Variants in MAMLD1 observed in about 807,000 individuals in gnomAD.
The protein encoded by MAMLD1 is mastermind-like domain-containing protein 1.
Under a neutral mutation model 45.0 loss-of-function variants are expected in MAMLD1, and 14 were observed. That is an observed-to-expected ratio of 0.31 (90% CI 0.21 to 0.49). MAMLD1 has a LOEUF of 0.49. Among genes scored for constraint, MAMLD1 ranks in the 20% least tolerant of loss-of-function variants. The pLI is 0.99. For synonymous variants in MAMLD1, 254 were observed against 247.8 expected, an observed-to-expected ratio of 1.02 and a Z score of -0.24; for missense variants, 543 against 603.6, an observed-to-expected ratio of 0.90 and a Z score of 1.05.
chrX:150,429,680 C>T (rs1233303235), intron 1 of MAMLD1, among the ~76,000 whole-genome samples: 2 of 111,239 alleles, frequency 1.8e-5, no homozygotes, highest in Non-Finnish European at 3.8e-5. Flanking sequence ...ACTTTCATGT[C>T]TCTGGGATAA....
intron 1 of MAMLD1, among the ~76,000 whole-genome samples, chrX:150,373,018 C>T (rs1263281031): frequency 9.0e-6 from 1 of 111,681 alleles, no homozygotes; most frequent in Non-Finnish European, 1.9e-5. Flanking sequence ...TGTCCCACAG[C>T]ACGAGGTGAG....
intron 7 of MAMLD1, among the ~76,000 whole-genome samples, chrX:150,511,149 T>C (rs2037885524): frequency 8.9e-6 from 1 of 112,025 alleles, no homozygotes. Flanking sequence ...CTCCCCTACC[T>C]GACCTTGGGT....
At chrX:150,365,076 C>T (rs1220337359) in intron 1 of MAMLD1, among the ~76,000 whole-genome samples, 1 of 111,544 alleles carries the variant, frequency 9.0e-6, no homozygotes, top group African/African-American at 3.3e-5. Flanking sequence ...CTCCCTCCCA[C>T]CTCTTCTTGT....
At chrX:150,448,872 A>C (rs1375593644) in intron 2 of MAMLD1, among the ~76,000 whole-genome samples, 1 of 111,899 alleles carries the variant, frequency 8.9e-6, no homozygotes, top group Non-Finnish European at 1.9e-5. Context: ...TCTCTGTCTC[A>C]GTCCATACCC....
intron 5 of MAMLD1, among the ~76,000 whole-genome samples, chrX:150,498,194 G>A (rs1478269834): frequency 2.7e-5 from 3 of 111,437 alleles, no homozygotes; most frequent in Non-Finnish European, 5.6e-5. Context: ...AGGCTAATCT[G>A]TGTAAAATTC....
chrX:150,449,971 A>G (rs1405397874), intron 2 of MAMLD1, among the ~76,000 whole-genome samples: 4 of 111,787 alleles, frequency 3.6e-5, no homozygotes, highest in African/African-American at 1.3e-4. Flanking sequence ...AGGCTCAGAA[A>G]GGATGGAGAC....
At chrX:150,417,405 A>G (rs1302795250) in intron 1 of MAMLD1, among the ~76,000 whole-genome samples, 1 of 105,257 alleles carries the variant, frequency 9.5e-6, no homozygotes, top group African/African-American at 3.5e-5. Context: ...AATCCAGTCT[A>G]TCATTGTTGG....
intron 2 of MAMLD1, among the ~76,000 whole-genome samples, chrX:150,457,424 A>G (rs2124623556): frequency 8.9e-6 from 1 of 112,489 alleles, no homozygotes; most frequent in South Asian, 3.7e-4. Context: ...GTTCCTCAAG[A>G]AGTTAGTTCA....
intron 1 of MAMLD1, among the ~76,000 whole-genome samples, chrX:150,388,305 G>A (rs1276628601): frequency 2.7e-5 from 3 of 111,845 alleles, no homozygotes; most frequent in African/African-American, 9.7e-5. Flanking sequence ...GTTTTGGTCT[G>A]TAGTTTTCTT....
Position 150,470,442 on chromosome X carries a change from C to T in MAMLD1, c.869C>T (p.Pro290Leu). The part of the protein sequence containing the change: ...QSKSQVQAML[P>L]VALPPLPVPQ... ...AAGAGCCAGGTCCAGGCCATGCTCC[C>T]TGTCGCTCTGCCCCCCTTACCAGTG... The change falls in exon 4 of 8, where the codon CCT (proline) becomes CTT (leucine). Residue 290 changes from proline to leucine, a missense_variant. Pro to Leu is a moderately conservative substitution (Grantham distance 98). Transcript: ENST00000370401. 4 of 1,212,203 alleles carry T rather than the reference C, an allele frequency of 3.3e-6. No homozygotes were observed. The highest frequency in any genetic ancestry group is 4.5e-6 in the Non-Finnish European group (4 of 895,627).
chrX:150,415,139 C>T (rs1446854476), intron 1 of MAMLD1, among the ~76,000 whole-genome samples: 1 of 112,421 alleles, frequency 8.9e-6, no homozygotes, highest in African/African-American at 3.2e-5. Context: ...TCATTTTATT[C>T]TGATTCTTCT....
At chrX:150,452,976 C>A (rs2035717538) in intron 2 of MAMLD1, among the ~76,000 whole-genome samples, 1 of 111,179 alleles carries the variant, frequency 9.0e-6, no homozygotes, top group African/African-American at 3.3e-5. Context: ...AGTGAAACAA[C>A]TTTTGGGACT....
intron 5 of MAMLD1, among the ~76,000 whole-genome samples, chrX:150,485,745 G>A (rs2036964892): frequency 8.9e-6 from 1 of 111,970 alleles, no homozygotes; most frequent in Non-Finnish European, 1.9e-5. Context: ...TCTGAATGAA[G>A]AGCCCAGGAT....
chrX:150,480,161 G>C (rs1187498716), intron 5 of MAMLD1, among the ~76,000 whole-genome samples: 1 of 111,739 alleles, frequency 8.9e-6, no homozygotes, highest in Non-Finnish European at 1.9e-5. Context: ...CTTTTAGCCT[G>C]TTCTGTCCCT....
intron 1 of MAMLD1, among the ~76,000 whole-genome samples, chrX:150,423,202 G>C (rs914339556): frequency 8.9e-6 from 1 of 112,319 alleles, no homozygotes; most frequent in African/African-American, 3.2e-5. Flanking sequence ...ACACTCTGAG[G>C]CAACTGCCTG....
intron 1 of MAMLD1, among the ~76,000 whole-genome samples, chrX:150,398,290 G>GAAGAAGAAGAAC (rs2033544318): frequency 1.8e-4 from 15 of 84,319 alleles, no homozygotes; most frequent in African/African-American, 6.5e-4. Flanking sequence ...AGAAGAAGAA[G>GAAGAAGAAGAAC]AAGAAGAAGA....
chrX:150,467,666 C>T (rs148295934), intron 3 of MAMLD1, among the ~76,000 whole-genome samples: 1,456 of 112,549 alleles, frequency 0.013, 20 homozygotes, highest in African/African-American at 0.044. Context: ...TCTGTGGGGG[C>T]GATGCAGTGT....
intron 1 of MAMLD1, among the ~76,000 whole-genome samples, chrX:150,425,040 C>T (rs1053004842): frequency 3.7e-4 from 41 of 111,987 alleles, no homozygotes; most frequent in African/African-American, 1.2e-3. Flanking sequence ...GATGTTTAAA[C>T]GGTTCATCCA....
At position 150,512,809 on chromosome X, in the gene MAMLD1, C is replaced by G; in HGVS notation, c.*850C>G. ...CTGCCAGCCAGTTCCCAGGTCCGTT[C>G]GACAGAACGGATATTCCCCCTGAGC... On this transcript the variant is annotated 3_prime_UTR_variant, in exon 8 of 8. Coordinates refer to ENST00000370401, the MANE Select transcript of MAMLD1 (RefSeq NM_005491.5). 1 of 1,155,848 alleles carries G rather than the reference C, an allele frequency of 8.7e-7. No homozygotes were observed. The highest frequency in any genetic ancestry group is 1.1e-6 in the Non-Finnish European group (1 of 872,836).
Sources: allele counts gnomAD v4.1 joint callset (sites outside exome capture counted in the v4.1 genomes callset), GRCh38; gene constraint gnomAD v4.1.1; transcripts MANE v1.5; gene names NCBI Gene and HGNC (gene_info 2026-07-23, HGNC 2026-07-21).